The following ZCWPW2 variants were observed in gnomAD, a reference collection of about 807,000 sequenced individuals.
The protein encoded by ZCWPW2 is zinc finger CW-type and PWWP domain containing 2.
In ZCWPW2, 45 loss-of-function variants were observed where a neutral mutation model predicts 46.6. The ratio of observed to expected loss-of-function variants is 0.96; its 90% CI spans 0.76 to 1.24. The LOEUF is 1.24. Ranked by LOEUF, ZCWPW2 falls within the 50% of genes most tolerant of loss-of-function variation. The pLI, the probability that ZCWPW2 is intolerant of heterozygous loss-of-function variation, is 0.00. For synonymous variants in ZCWPW2, 152 were observed against 137.1 expected, an observed-to-expected ratio of 1.11 and a Z score of -0.76; for missense variants, 429 against 403.9, an observed-to-expected ratio of 1.06 and a Z score of -0.53.
At chr3:28,492,055 G>T in intron 5 of ZCWPW2, 72 bp from the exon 6 acceptor site, 1 of 1,418,232 alleles carries the variant, frequency 7.1e-7, no homozygotes, top group Non-Finnish European at 9.8e-7. Flanking sequence ...AATTCTAATT[G>T]TGTAATTCAG....
chr3:28,493,161 T>A (rs1172060440), intron 6 of ZCWPW2, among the ~76,000 whole-genome samples: 5 of 139,916 alleles, frequency 3.6e-5, no homozygotes, highest in African/African-American at 1.0e-4. Context: ...TTTTTTTTTT[T>A]ATTATACTTT....
intron 2 of ZCWPW2, among the ~76,000 whole-genome samples, chr3:28,406,725 A>G (rs370205399): frequency 3.3e-5 from 5 of 151,854 alleles, no homozygotes; most frequent in East Asian, 1.9e-4. Context: ...CTCGCCTGCT[A>G]TGACCTTTGC....
chr3:28,467,299 G>C, intron 4 of ZCWPW2, among the ~76,000 whole-genome samples: 1 of 149,568 alleles, frequency 6.7e-6, no homozygotes. Context: ...TACAAACAGA[G>C]GAGAATATTT....
At chr3:28,423,403 G>A (rs1401330991) in intron 3 of ZCWPW2, among the ~76,000 whole-genome samples, 4 of 122,098 alleles carry the variant, frequency 3.3e-5, no homozygotes, top group African/African-American at 1.3e-4. Flanking sequence ...GTCTCACTCT[G>A]TCGCCCAGAC....
At chr3:28,405,542 C>A (rs1354401297) in intron 2 of ZCWPW2, among the ~76,000 whole-genome samples, 1 of 152,164 alleles carries the variant, frequency 6.6e-6, no homozygotes, top group African/African-American at 2.4e-5. Context: ...GTGGTGCAAT[C>A]TTGGCTCACT....
intron 1 of ZCWPW2, among the ~76,000 whole-genome samples, chr3:28,362,456 G>T (rs565642005): frequency 6.6e-6 from 1 of 152,046 alleles, no homozygotes; most frequent in South Asian, 2.1e-4. Flanking sequence ...CATACATGCG[G>T]CCAACAAGCA....
At chr3:28,462,957 TA>T (rs1462463287) in intron 4 of ZCWPW2, among the ~76,000 whole-genome samples, 1 of 152,162 alleles carries the variant, frequency 6.6e-6, no homozygotes, top group African/African-American at 2.4e-5. Context: ...AATACCTGAT[TA>T]AAACAAGATC....
chr3:28,406,259 G>C (rs1463329303), intron 2 of ZCWPW2, among the ~76,000 whole-genome samples: 1 of 152,128 alleles, frequency 6.6e-6, no homozygotes, highest in African/African-American at 2.4e-5. Context: ...GTTCAGGAGA[G>C]AACATGAAGG....
At chr3:28,362,929 G>C (rs1257964618) in intron 1 of ZCWPW2, among the ~76,000 whole-genome samples, 5 of 152,096 alleles carry the variant, frequency 3.3e-5, no homozygotes, top group African/African-American at 4.8e-5. Context: ...GATGGAGCTG[G>C]AGGCCATTAT....
intron 2 of ZCWPW2, among the ~76,000 whole-genome samples, chr3:28,409,734 T>C (rs1696323060): frequency 6.6e-6 from 1 of 151,946 alleles, no homozygotes; most frequent in African/African-American, 2.4e-5. Context: ...TAACATAAAC[T>C]TGTCAAAACC....
intron 3 of ZCWPW2, among the ~76,000 whole-genome samples, chr3:28,428,653 T>C (rs116776189): frequency 1.3e-5 from 2 of 152,186 alleles, no homozygotes; most frequent in South Asian, 2.1e-4. Context: ...TCTTGAATTG[T>C]AATCCAAACT....
At chr3:28,460,193 T>C (rs1453593025) in intron 4 of ZCWPW2, among the ~76,000 whole-genome samples, 2 of 152,072 alleles carry the variant, frequency 1.3e-5, no homozygotes, top group Non-Finnish European at 2.9e-5. Context: ...CTAGTGCCCA[T>C]TGCATTCTTG....
chr3:28,468,304 C>T (rs1247381338), intron 4 of ZCWPW2, among the ~76,000 whole-genome samples: 1 of 151,746 alleles, frequency 6.6e-6, no homozygotes, highest in Non-Finnish European at 1.5e-5. Context: ...CGAAGCACAC[C>T]TACGATATCT....
At chr3:28,424,210 CTG>C (rs769734353) in intron 3 of ZCWPW2, among the ~76,000 whole-genome samples, 2 of 148,030 alleles carry the variant, frequency 1.4e-5, no homozygotes, top group Non-Finnish European at 3.0e-5. Context: ...CATAGAGAGA[CTG>C]TGGTGGTCTT....
At chr3:28,475,179 G>A (rs186021034) in intron 4 of ZCWPW2, among the ~76,000 whole-genome samples, 4 of 151,980 alleles carry the variant, frequency 2.6e-5, no homozygotes, top group Admixed American at 2.0e-4. Flanking sequence ...TTTCTTTCTT[G>A]ACAGACTCTT....
intron 2 of ZCWPW2, among the ~76,000 whole-genome samples, chr3:28,394,267 T>C (rs1230206893): frequency 6.6e-5 from 10 of 151,960 alleles, no homozygotes; most frequent in Admixed American, 6.6e-4. Flanking sequence ...ATGAAATAAA[T>C]TGAAAAATAA....
chr3:28,377,592 A>G (rs550967613), intron 1 of ZCWPW2, among the ~76,000 whole-genome samples: 54 of 152,232 alleles, frequency 3.5e-4, no homozygotes, highest in African/African-American at 1.2e-3. Flanking sequence ...GACTTCCATG[A>G]CAATATAACT....
chr3:28,508,697 T>C lies in ZCWPW2; in HGVS notation c.658-5367T>C, dbSNP rs187870721. Among the ~76,000 whole-genome samples, 619 of 152,240 alleles carry C rather than the reference T, an allele frequency of 4.1e-3. 3 individuals are homozygous for C. Among genetic ancestry groups the C allele is most frequent in the Non-Finnish European group, 5.9e-3 (400 of 68,006 alleles). ...TTGTATACCATCACACCAGCTAATT[T>C]TTGTACTTTTAGTAGAGACGGGGTT... On this transcript the variant is annotated intron_variant, in intron 6 of 9. Transcript: ENST00000383768.
intron 4 of ZCWPW2, among the ~76,000 whole-genome samples, chr3:28,446,190 C>T (rs192360043): frequency 1.3e-5 from 2 of 152,068 alleles, no homozygotes; most frequent in Admixed American, 1.3e-4. Flanking sequence ...CAGGCATGTA[C>T]AAAACACTCT....
Sources: gnomAD v4.1 joint callset for allele counts (sites outside exome capture counted in the v4.1 genomes callset) on GRCh38, gnomAD v4.1.1 for gene constraint, MANE v1.5 for transcripts, NCBI Gene and HGNC (gene_info 2026-07-23, HGNC 2026-07-21) for gene names.